MYT1L: variants seen among roughly 807,000 people sequenced by gnomAD.
MYT1L encodes the protein myelin transcription factor 1-like protein.
A neutral mutation model predicts 126.7 loss-of-function variants in MYT1L; 12 were observed. The observed-to-expected ratio is 0.09, with a 90% confidence interval of 0.06 to 0.15. MYT1L has a LOEUF of 0.15. Among genes scored for constraint, MYT1L ranks in the 10% least tolerant of loss-of-function variants. The probability of loss-of-function intolerance (pLI) is 1.00; values close to 1 mark genes in which losing one functional copy is unlikely to be tolerated. For missense variants in MYT1L, 979 were observed against 1,585.2 expected (o/e 0.62, Z 6.49); for synonymous variants, 541 against 604.2 (o/e 0.90, Z 1.53).
At chr2:1,908,567 A>G (rs957383682) in intron 13 of MYT1L, among the ~76,000 whole-genome samples, 8 of 152,294 alleles carry the variant, frequency 5.3e-5, no homozygotes, top group Non-Finnish European at 1.0e-4. Context: ...AAAATTCATA[A>G]AAGCCCTCAG....
At chr2:2,181,825 G>A (rs992714313) in intron 2 of MYT1L, among the ~76,000 whole-genome samples, 8 of 152,074 alleles carry the variant, frequency 5.3e-5, no homozygotes, top group African/African-American at 1.4e-4. Flanking sequence ...GACTTTCCAC[G>A]TTCCAGCACT....
chr2:2,053,109 G>T (rs1475723457), intron 4 of MYT1L, among the ~76,000 whole-genome samples: 1 of 152,170 alleles, frequency 6.6e-6, no homozygotes, highest in Admixed American at 6.5e-5. Context: ...CCCATTCTAC[G>T]ACATGGCTGG....
At chr2:2,014,799 A>C (rs1470667505) in intron 4 of MYT1L, among the ~76,000 whole-genome samples, 2 of 152,258 alleles carry the variant, frequency 1.3e-5, no homozygotes, top group African/African-American at 2.4e-5. Flanking sequence ...TGGAGCAGGC[A>C]GGTTTCCGGG....
intron 2 of MYT1L, among the ~76,000 whole-genome samples, chr2:2,256,911 A>T (rs1482822510): frequency 2.0e-5 from 3 of 152,228 alleles, no homozygotes; most frequent in Non-Finnish European, 4.4e-5. Flanking sequence ...AATGCCATTC[A>T]TATAGCCACA....
intron 4 of MYT1L, among the ~76,000 whole-genome samples, chr2:2,027,368 G>C (rs1192986489): frequency 6.6e-6 from 1 of 152,074 alleles, no homozygotes; most frequent in Non-Finnish European, 1.5e-5. Context: ...GCAACAGCTG[G>C]GCCAGTCCAT....
Position 2,137,470 on chromosome 2 carries a change from T to C in MYT1L, c.-304+35402A>G, listed in dbSNP as rs527647175. ...CAAGGCTACAGTCACCAAAACAGCA[T>C]GGTACTGGTACCAAAACAGAGATAT... On this transcript the variant is annotated intron_variant, in intron 3 of 24. Coordinates refer to ENST00000647738, the MANE Select transcript of MYT1L (RefSeq NM_001303052.2). Among the ~76,000 whole-genome samples, 921 of 152,280 alleles carry C rather than the reference T, an allele frequency of 6.0e-3. 12 individuals carry two copies. The highest frequency in any genetic ancestry group is 0.021 in the African/African-American group (886 of 41,546).
At chr2:2,062,676 C>A (rs117040414) in intron 3 of MYT1L, among the ~76,000 whole-genome samples, 2 of 152,288 alleles carry the variant, frequency 1.3e-5, no homozygotes, top group East Asian at 3.9e-4. Flanking sequence ...TGTCTTGACA[C>A]CCAACTAATA....
intron 1 of MYT1L, among the ~76,000 whole-genome samples, chr2:2,314,759 C>T (rs1295147965): frequency 1.3e-5 from 2 of 152,092 alleles, no homozygotes; most frequent in African/African-American, 2.4e-5. Context: ...GGGTATCATG[C>T]TACCCAACTT....
chr2:2,191,563 G>T (rs2148743970), intron 2 of MYT1L, among the ~76,000 whole-genome samples: 1 of 152,310 alleles, frequency 6.6e-6, no homozygotes, highest in Non-Finnish European at 1.5e-5. Flanking sequence ...GGGAAGAAAT[G>T]CTGGGAAAGT....
chr2:2,006,974 C>T (rs2063392675), intron 4 of MYT1L, among the ~76,000 whole-genome samples: 1 of 151,598 alleles, frequency 6.6e-6, no homozygotes, highest in Admixed American at 6.6e-5. Context: ...ATAATATTTT[C>T]TGGGTATATC....
chr2:2,114,556 T>C (rs2079942845), intron 3 of MYT1L, among the ~76,000 whole-genome samples: 1 of 152,382 alleles, frequency 6.6e-6, no homozygotes, highest in East Asian at 1.9e-4. Flanking sequence ...TAGATAGTTA[T>C]TGACTTTTCA....
chr2:2,068,363 G>GAGGTCACAGAGC (rs1321952330), intron 3 of MYT1L, among the ~76,000 whole-genome samples: 1 of 152,152 alleles, frequency 6.6e-6, no homozygotes, highest in Non-Finnish European at 1.5e-5. Flanking sequence ...AAACTGGGAT[G>GAGGTCACAGAGC]AGGTCACAGA....
chr2:1,896,776 AC>A (rs1197654959), intron 14 of MYT1L, among the ~76,000 whole-genome samples: 1 of 152,162 alleles, frequency 6.6e-6, no homozygotes, highest in Non-Finnish European at 1.5e-5. Flanking sequence ...ATGCACAGGT[AC>A]CCTCTGTATC....
chr2:2,324,070 G>A (rs2096212408), intron 1 of MYT1L: 1 of 152,158 alleles, frequency 6.6e-6, no homozygotes. Flanking sequence ...GGCAGCAAAT[G>A]ACTATTCTTT....
intron 4 of MYT1L, among the ~76,000 whole-genome samples, chr2:2,041,313 T>C (rs2067504376): frequency 6.6e-6 from 1 of 152,162 alleles, no homozygotes. Flanking sequence ...ATGAAGTGTT[T>C]TACTTGAAGG....
chr2:2,239,679 C>T (rs1275902613), intron 2 of MYT1L, among the ~76,000 whole-genome samples: 1 of 152,124 alleles, frequency 6.6e-6, no homozygotes, highest in East Asian at 1.9e-4. Context: ...TGATAGATTC[C>T]AAAAATATTT....
intron 12 of MYT1L, among the ~76,000 whole-genome samples, chr2:1,911,459 A>G (rs1413406486): frequency 6.6e-6 from 1 of 152,212 alleles, no homozygotes; most frequent in Non-Finnish European, 1.5e-5. Context: ...AGGACAGGAA[A>G]AGAGAACTCA....
intron 2 of MYT1L, among the ~76,000 whole-genome samples, chr2:2,267,855 G>A (rs532068637): frequency 5.9e-5 from 9 of 151,954 alleles, no homozygotes; most frequent in South Asian, 4.2e-4. Context: ...CTTAAGGCAA[G>A]TATGTCAAAT....
chr2:2,153,469 C>A (rs769944327), intron 3 of MYT1L, among the ~76,000 whole-genome samples: 49 of 152,104 alleles, frequency 3.2e-4, no homozygotes, highest in Admixed American at 7.8e-4. Context: ...GTTGTTTAGA[C>A]GTGAGACTGG....
Sources: gnomAD v4.1 joint callset for allele counts (sites outside exome capture counted in the v4.1 genomes callset) on GRCh38, gnomAD v4.1.1 for gene constraint, MANE v1.5 for transcripts, NCBI Gene and HGNC (gene_info 2026-07-23, HGNC 2026-07-21) for gene names.